Variants in SNTG1 observed in about 807,000 individuals in gnomAD.
The protein encoded by SNTG1 is syntrophin gamma 1, also known as gamma-1-syntrophin.
Under a neutral mutation model 74.7 loss-of-function variants are expected in SNTG1, and 39 were observed. The observed-to-expected ratio is 0.52, with a 90% confidence interval of 0.40 to 0.68. The LOEUF is 0.68. SNTG1 is among the 30% of genes least tolerant of loss of function. The pLI is 0.00. For missense variants in SNTG1, 685 were observed against 609.5 expected (o/e 1.12, Z -1.30); for synonymous variants, 254 against 217.1 (o/e 1.17, Z -1.49).
chr8:50,054,236 T>A (rs1026991229), intron 1 of SNTG1, among the ~76,000 whole-genome samples: 1 of 152,032 alleles, frequency 6.6e-6, no homozygotes, highest in Non-Finnish European at 1.5e-5. Flanking sequence ...TCTGGGCAGC[T>A]CCCTTCTCAG....
chr8:50,237,338 C>A (rs376769008), intron 2 of SNTG1, among the ~76,000 whole-genome samples: 19 of 152,078 alleles, frequency 1.2e-4, no homozygotes, highest in Admixed American at 1.1e-3. Context: ...TTATTTTTGG[C>A]AAGAATACTT....
intron 2 of SNTG1, among the ~76,000 whole-genome samples, chr8:50,299,711 C>A (rs1389076316): frequency 2.6e-5 from 4 of 152,046 alleles, no homozygotes; most frequent in African/African-American, 9.7e-5. Context: ...CATTTTTGTA[C>A]TAAACCTTGT....
intron 5 of SNTG1, among the ~76,000 whole-genome samples, chr8:50,444,747 C>T (rs1399340684): frequency 6.2e-4 from 18 of 29,036 alleles, no homozygotes; most frequent in African/African-American, 2.4e-3. Flanking sequence ...AAGACTCCAT[C>T]TCAGAAAAAA....
intron 17 of SNTG1, among the ~76,000 whole-genome samples, chr8:50,725,931 A>G (rs1047499060): frequency 6.6e-6 from 1 of 152,192 alleles, no homozygotes; most frequent in Non-Finnish European, 1.5e-5. Flanking sequence ...GTGTGACTGT[A>G]GGATTGGCAA....
At position 50,329,812 on chromosome 8, in the gene SNTG1, A is replaced by T. The variant is rs546124023; in HGVS notation, c.-27-64400A>T. Among the ~76,000 whole-genome samples the T allele has an allele frequency of 3.7e-4, 56 of 150,788 alleles. 1 individual carries two copies. The highest frequency in any genetic ancestry group is 3.4e-3 in the Middle Eastern group (1 of 294). ...AGCTGGCTTGAATTTCTCCCTAGAA[A>T]TTTTTTTTTTCTATTGCATCGTCAG... is the stretch of plus-strand genomic sequence containing the variant. On this transcript the variant is annotated intron_variant, in intron 2 of 18. Coordinates refer to ENST00000642720, the MANE Select transcript of SNTG1 (RefSeq NM_018967.5).
intron 13 of SNTG1, among the ~76,000 whole-genome samples, chr8:50,652,957 C>G (rs1045713280): frequency 2.0e-5 from 3 of 151,680 alleles, no homozygotes; most frequent in African/African-American, 7.3e-5. Flanking sequence ...CTTAGATCTA[C>G]GTTTTCTAAT....
rs373585348 is a variant in SNTG1, at chr8:50,732,671, T to C, written c.1285-19330T>C. Among the ~76,000 whole-genome samples, 58 of 152,044 alleles carry C rather than the reference T, an allele frequency of 3.8e-4. No homozygotes were observed. In the East Asian group the frequency reaches 8.7e-3, roughly 23 times the overall value. The stretch of plus-strand genomic sequence containing the variant: ...ATTTTAAGGGCTTAAAATATATATT[T>C]AAAATTGCTGTACTAAAATTTTACA... On this transcript the variant is annotated intron_variant, in intron 17 of 18. Transcript: ENST00000642720.
At chr8:50,234,080 G>A (rs998659004) in intron 2 of SNTG1, among the ~76,000 whole-genome samples, 1 of 151,840 alleles carries the variant, frequency 6.6e-6, no homozygotes, top group Non-Finnish European at 1.5e-5. Context: ...AAAAATTCAT[G>A]CTTACACAAG....
intron 15 of SNTG1, among the ~76,000 whole-genome samples, chr8:50,679,971 C>G (rs1028504401): frequency 6.6e-6 from 1 of 152,078 alleles, no homozygotes; most frequent in Admixed American, 6.6e-5. Context: ...GCAAGGGGAC[C>G]TTACCTGGCC....
intron 2 of SNTG1, among the ~76,000 whole-genome samples, chr8:50,197,974 T>C (rs990324991): frequency 4.6e-5 from 7 of 152,200 alleles, no homozygotes; most frequent in Admixed American, 3.9e-4. Flanking sequence ...CACTTATAAA[T>C]TGACCATTCT....
intron 1 of SNTG1, among the ~76,000 whole-genome samples, chr8:50,101,116 CT>C (rs1208089324): frequency 6.6e-6 from 1 of 152,046 alleles, no homozygotes. Flanking sequence ...TGATCTCACT[CT>C]TTTTTATGGC....
intron 8 of SNTG1, among the ~76,000 whole-genome samples, chr8:50,495,671 C>A (rs537376214): frequency 6.6e-6 from 1 of 152,242 alleles, no homozygotes; most frequent in South Asian, 2.1e-4. Flanking sequence ...ATTACAGACT[C>A]ATTTCTTGCT....
chr8:50,652,872 CATT>C (rs1295120958), intron 13 of SNTG1, among the ~76,000 whole-genome samples: 8 of 151,448 alleles, frequency 5.3e-5, no homozygotes, highest in African/African-American at 1.9e-4. Flanking sequence ...AAAATCTAAA[CATT>C]ATTATGTCTT....
At chr8:50,127,547 G>C (rs1279498914) in intron 1 of SNTG1, among the ~76,000 whole-genome samples, 5 of 152,126 alleles carry the variant, frequency 3.3e-5, no homozygotes, top group Admixed American at 6.6e-5. Context: ...AATCCTTTTA[G>C]AGCCAACTGC....
At chr8:50,254,820 T>C (rs1434706251) in intron 2 of SNTG1, among the ~76,000 whole-genome samples, 1 of 146,546 alleles carries the variant, frequency 6.8e-6, no homozygotes, top group Non-Finnish European at 1.5e-5. Context: ...GCCACTGCAC[T>C]CCAGCCTGGG....
rs528800096 is a variant in SNTG1, at chr8:49,956,051, G to A, written c.-103+43820G>A. Among the ~76,000 whole-genome samples the A allele has an allele frequency of 3.9e-5, 6 of 152,298 alleles. No individual in the cohort carries two copies. In the South Asian group the frequency reaches 1.2e-3, roughly 32 times the overall value. ...CAGCTAGACAGATTTGCTGATCAAA[G>A]AAGTCTCCTGAAGTGTTACATACAT... is the stretch of plus-strand genomic sequence containing the variant. On this transcript the variant is annotated intron_variant, in intron 1 of 18. Transcript: ENST00000642720.
chr8:50,648,345 G>C (rs1384831), intron 13 of SNTG1, among the ~76,000 whole-genome samples: 32,150 of 151,950 alleles, frequency 0.21, 3,767 homozygotes, highest in African/African-American at 0.3. Flanking sequence ...ATAGTCTTAA[G>C]AGTCTCGAAC....
intron 8 of SNTG1, among the ~76,000 whole-genome samples, chr8:50,475,874 C>G (rs1363781574): frequency 2.0e-5 from 3 of 152,140 alleles, no homozygotes; most frequent in African/African-American, 7.2e-5. Flanking sequence ...TGCATAAATA[C>G]TATACAGCAG....
intron 13 of SNTG1, among the ~76,000 whole-genome samples, chr8:50,602,311 G>A (rs2094780912): frequency 1.3e-5 from 2 of 151,168 alleles, no homozygotes; most frequent in Admixed American, 1.3e-4. Context: ...AGGTTGCCAT[G>A]AGGATTGATA....
Sources: allele counts gnomAD v4.1 joint callset (sites outside exome capture counted in the v4.1 genomes callset), GRCh38; gene constraint gnomAD v4.1.1; transcripts MANE v1.5; gene names NCBI Gene and HGNC (gene_info 2026-07-23, HGNC 2026-07-21).